LRRC8D: variants seen among roughly 807,000 people sequenced by gnomAD.
LRRC8D encodes the protein leucine rich repeat containing 8 VRAC subunit D.
A neutral mutation model predicts 55.8 loss-of-function variants in LRRC8D; 20 were observed. The observed-to-expected ratio is 0.36, with a 90% CI of 0.25 to 0.52. LRRC8D has a LOEUF of 0.52. LRRC8D is among the 20% of genes least tolerant of loss of function. The pLI is 0.93. For missense variants in LRRC8D, 651 were observed against 1,030.8 expected (o/e 0.63, Z 5.05); for synonymous variants, 352 against 377.0 (o/e 0.93, Z 0.77).
At chr1:89,863,119 T>C (rs1180094390) in intron 2 of LRRC8D, among the ~76,000 whole-genome samples, 1 of 152,194 alleles carries the variant, frequency 6.6e-6, no homozygotes, top group South Asian at 2.1e-4. Flanking sequence ...CCATTTGACT[T>C]TGGGCAAGTT....
chr1:89,935,839 C>A lies in LRRC8D; in HGVS notation c.*194C>A. The A allele has an allele frequency of 6.6e-6, 3 of 455,994 alleles. No homozygotes were observed. Among genetic ancestry groups the A allele is most frequent in the Non-Finnish European group, 1.2e-5 (3 of 260,542 alleles). 28.2% of individuals were successfully genotyped at this position (455,994 alleles called of 1,614,324 possible). Reference sequence around the variant, plus strand: ...TTGTAGGGTTTTAAGTCATTCATTTCCAAATCATTTTTTTTTTTCTTTTGG... The same window carrying A: ...TTGTAGGGTTTTAAGTCATTCATTTACAAATCATTTTTTTTTTTCTTTTGG... On this transcript the variant is annotated 3_prime_UTR_variant, in exon 3 of 3. Transcript: ENST00000337338.
chr1:89,842,871 G>A (rs1250052762), intron 1 of LRRC8D, among the ~76,000 whole-genome samples: 1 of 152,222 alleles, frequency 6.6e-6, no homozygotes, highest in East Asian at 1.9e-4. Context: ...AATGCACCAT[G>A]CGATTATGCT....
chr1:89,826,831 A>G (rs897860976), intron 1 of LRRC8D, among the ~76,000 whole-genome samples: 1 of 152,170 alleles, frequency 6.6e-6, no homozygotes, highest in African/African-American at 2.4e-5. Flanking sequence ...ACCACTGGGT[A>G]TTTGCTCCAG....
chr1:89,821,376 A>G (rs1660626312), intron 1 of LRRC8D, 85 bp downstream of exon 1: 2 of 152,122 alleles, frequency 1.3e-5, no homozygotes, highest in Admixed American at 1.3e-4. Flanking sequence ...CGGAGCGCGC[A>G]ACCCTGGCGC....
chr1:89,896,255 G>A (rs146867316), intron 2 of LRRC8D, among the ~76,000 whole-genome samples: 1 of 152,154 alleles, frequency 6.6e-6, no homozygotes, highest in African/African-American at 2.4e-5. Flanking sequence ...AGGTGGTAAA[G>A]GATAGATGGG....
intron 2 of LRRC8D, among the ~76,000 whole-genome samples, chr1:89,915,079 C>G (rs1663231575): frequency 6.6e-6 from 1 of 151,328 alleles, no homozygotes; most frequent in East Asian, 1.9e-4. Context: ...TGTTCAGCAC[C>G]TAGCACATTA....
intron 1 of LRRC8D, among the ~76,000 whole-genome samples, chr1:89,841,273 C>G (rs1661124710): frequency 6.6e-6 from 1 of 152,292 alleles, no homozygotes; most frequent in South Asian, 2.1e-4. Flanking sequence ...TCTTCCCCGC[C>G]CCTGCCTTTG....
rs958151525 is a variant in LRRC8D, at chr1:89,843,585, C to T, written c.-147-53C>T. Reference sequence around the variant, plus strand: ...GCCGCCCTGCACTCCTTCCTCCCCGCTGCCGACACTTGGATCTCTCTAGCT... The same window carrying T: ...GCCGCCCTGCACTCCTTCCTCCCCGTTGCCGACACTTGGATCTCTCTAGCT... On this transcript the variant is annotated intron_variant, in intron 1 of 2. Transcript: ENST00000337338. 2.7e-5 allele frequency: 19 copies of T among 697,556 alleles called. No homozygotes were observed. The African/African-American group carries it at 2.8e-4, about 10-fold the overall frequency. The allele number at this position is 697,556 out of a possible 1,614,324, so 43.2% of individuals were successfully genotyped here.
intron 2 of LRRC8D, among the ~76,000 whole-genome samples, chr1:89,872,558 C>T (rs1662047923): frequency 6.6e-6 from 1 of 152,202 alleles, no homozygotes; most frequent in Non-Finnish European, 1.5e-5. Context: ...GCTTTGGTTT[C>T]TTCATTTCAC....
intron 2 of LRRC8D, among the ~76,000 whole-genome samples, chr1:89,885,073 A>G (rs1470849288): frequency 1.3e-5 from 2 of 152,156 alleles, no homozygotes; most frequent in Non-Finnish European, 2.9e-5. Context: ...TATACATTCT[A>G]AACCTATTTT....
rs573790609 is a variant in LRRC8D at position 89,928,564 on chromosome 1, T to G, written c.-2-4503T>G. On this transcript the variant is annotated intron_variant, in intron 2 of 2. Coordinates refer to ENST00000337338, the MANE Select transcript of LRRC8D (RefSeq NM_001134479.2). The stretch of plus-strand genomic sequence containing the variant: ...CTGGAAGAGAGGAGCTCATCTGAGG[T>G]TGGAGTGGTCATGTGCTGTCTGTTA... Among the ~76,000 whole-genome samples the G allele has an allele frequency of 2.6e-4, 39 of 152,218 alleles. No homozygotes were observed. In the South Asian group the frequency reaches 3.3e-3, roughly 13 times the overall value.
At chr1:89,868,161 G>A (rs1661899676) in intron 2 of LRRC8D, among the ~76,000 whole-genome samples, 1 of 152,166 alleles carries the variant, frequency 6.6e-6, no homozygotes, top group Non-Finnish European at 1.5e-5. Context: ...TTCAAATGAT[G>A]AGAAAATACA....
intron 2 of LRRC8D, among the ~76,000 whole-genome samples, chr1:89,849,413 A>G (rs1261606423): frequency 6.6e-6 from 1 of 152,036 alleles, no homozygotes; most frequent in Non-Finnish European, 1.5e-5. Context: ...ATATATGCGT[A>G]CTAGGAACTG....
rs377123755 is a variant in LRRC8D at position 89,933,475 on chromosome 1, G to A, written c.407G>A (p.Gly136Asp). ...AAGAAAGAGAAGAAAGATCCAACAG[G>A]TCGAAAAACAAACTTGGATTTTCAG... ...EAKKEKKDPTGRKTNLDFQQY... is the reference protein window; with the variant it reads ...EAKKEKKDPTDRKTNLDFQQY... The change falls in exon 3 of 3, where the codon GGT becomes GAT. Residue 136 changes from glycine (G) to aspartate (D), a missense_variant. By Grantham distance (94) the Gly-to-Asp change is moderately conservative (BLOSUM62 -1). Coordinates refer to ENST00000337338, the MANE Select transcript of LRRC8D (RefSeq NM_001134479.2). This position sits in a 1 kb window ranked among gnomAD's most constrained non-coding sequence, Gnocchi z 7.0. 1.2e-6 allele frequency: 2 copies of A among 1,613,958 alleles called. No individual in the cohort carries two copies. The highest frequency in any genetic ancestry group is 2.7e-5 in the African/African-American group (2 of 74,884).
intron 2 of LRRC8D, among the ~76,000 whole-genome samples, chr1:89,895,630 A>G (rs1310427908): frequency 6.6e-6 from 1 of 152,192 alleles, no homozygotes; most frequent in Non-Finnish European, 1.5e-5. Context: ...TCAAGTTTCT[A>G]TTCATATATA....
chr1:89,824,830 A>G (rs1349858180), intron 1 of LRRC8D, among the ~76,000 whole-genome samples: 1 of 152,234 alleles, frequency 6.6e-6, no homozygotes, highest in South Asian at 2.1e-4. Flanking sequence ...GCCAACAGAG[A>G]GTACAGTAAG....
At chr1:89,886,550 C>T (rs987249109) in intron 2 of LRRC8D, among the ~76,000 whole-genome samples, 1 of 152,112 alleles carries the variant, frequency 6.6e-6, no homozygotes, top group Non-Finnish European at 1.5e-5. Context: ...TTTTTAGAAA[C>T]CTTAAAGCAC....
intron 1 of LRRC8D, 121 bp from the exon 2 acceptor site, chr1:89,843,517 C>T (rs2100745113): frequency 1.6e-6 from 1 of 624,936 alleles, no homozygotes; most frequent in Admixed American, 2.2e-5. Flanking sequence ...GGGTGCCCAC[C>T]ATGGCAGTTA....
At chr1:89,925,436 C>T (rs1482801966) in intron 2 of LRRC8D, among the ~76,000 whole-genome samples, 2 of 152,120 alleles carry the variant, frequency 1.3e-5, no homozygotes, top group Non-Finnish European at 2.9e-5. Flanking sequence ...AAACCATCCC[C>T]CTCCCCCGTC....
Sources: allele counts gnomAD v4.1 joint callset (sites outside exome capture counted in the v4.1 genomes callset), GRCh38; gene constraint gnomAD v4.1.1; non-coding constraint Gnocchi (gnomAD v3.1); transcripts MANE v1.5; gene names NCBI Gene and HGNC (gene_info 2026-07-23, HGNC 2026-07-21).